IL1RN: variants seen among roughly 807,000 people sequenced by gnomAD.
IL1RN encodes the protein interleukin 1 receptor antagonist.
Under a neutral mutation model 13.7 loss-of-function variants are expected in IL1RN, and 10 were observed. That is an observed-to-expected ratio of 0.73 (90% CI 0.45 to 1.24). IL1RN has a LOEUF of 1.24. IL1RN is among the 50% of genes most tolerant of loss of function. The probability of loss-of-function intolerance (pLI) is 0.00; values close to 1 mark genes in which losing one functional copy is unlikely to be tolerated. For missense variants in IL1RN, 213 were observed against 222.1 expected, an observed-to-expected ratio of 0.96 and a Z score of 0.26; for synonymous variants, 102 against 82.7, an observed-to-expected ratio of 1.23 and a Z score of -1.27.
intron 1 of IL1RN, among the ~76,000 whole-genome samples, chr2:113,118,495 G>C (rs1686656186): frequency 6.7e-6 from 1 of 150,108 alleles, no homozygotes; most frequent in Non-Finnish European, 1.5e-5. Context: ...GGCACAGTCA[G>C]TTCCACCAGT....
upstream of IL1RN, among the ~76,000 whole-genome samples, chr2:113,116,086 C>A (rs895170130): frequency 1.3e-5 from 2 of 152,294 alleles, no homozygotes; most frequent in Admixed American, 1.3e-4. Flanking sequence ...GGGCAAGAGT[C>A]TTATCTTACT....
At chr2:113,106,764 T>C (rs190450438), upstream of IL1RN, among the ~76,000 whole-genome samples, 34 of 152,300 alleles carry the variant, frequency 2.2e-4, 1 homozygote, top group East Asian at 6.5e-3. Context: ...AATAGTAGAC[T>C]GAGGCCCTCA....
At chr2:113,119,245 T>TGCTG (rs1686686296) in intron 1 of IL1RN, among the ~76,000 whole-genome samples, 1 of 152,162 alleles carries the variant, frequency 6.6e-6, no homozygotes, top group Non-Finnish European at 1.5e-5. Context: ...GCTAGGCGCC[T>TGCTG]TGCTGAGCAC....
upstream of IL1RN, chr2:113,127,390 G>T: frequency 6.8e-6 from 6 of 882,746 alleles, no homozygotes; most frequent in South Asian, 5.2e-5. Flanking sequence ...TAATTTTGGG[G>T]AAATTGCACA....
upstream of IL1RN, among the ~76,000 whole-genome samples, chr2:113,103,398 T>G (rs962036203): frequency 3.3e-5 from 5 of 152,250 alleles, no homozygotes; most frequent in Non-Finnish European, 7.3e-5. Flanking sequence ...TTGTGTCCAA[T>G]GTAAGAACAA....
At chr2:113,100,024 G>A in the IL1RN span, among the ~76,000 whole-genome samples, 5 of 132,894 alleles carry the variant, frequency 3.8e-5, no homozygotes, top group South Asian at 2.7e-4. Context: ...GTGAGCCACC[G>A]CGACTGGCCC....
rs147542912 is a variant in IL1RN at position 113,121,021 on chromosome 2, CTCT to C, written c.73+914_73+916del. Among the ~76,000 whole-genome samples, 273 of 138,580 alleles carry C rather than the reference CTCT, an allele frequency of 2.0e-3. 1 individual carries two copies. The highest frequency in any genetic ancestry group is 5.4e-3 in the African/African-American group (198 of 36,904). The allele number at this position is 138,580 out of a possible 152,430, so 90.9% of individuals were successfully genotyped here. A position where few individuals can be genotyped will look rare whatever the true frequency, so the allele number is the denominator to read the frequency against. On this transcript the variant is annotated intron_variant, in intron 2 of 5. Transcript: ENST00000259206. Reference sequence around the variant, plus strand: ...CCTCTTCTTCTTCCTCCTCCTTCTCCTCTTCTTCTTCTTCTTCTTCTTCCTCTT... The same window carrying C: ...CCTCTTCTTCTTCCTCCTCCTTCTCCTCTTCTTCTTCTTCTTCTTCCTCTT...
chr2:113,106,243 C>T (rs142207544), upstream of IL1RN, among the ~76,000 whole-genome samples: 1,316 of 152,036 alleles, frequency 8.7e-3, 13 homozygotes, highest in Middle Eastern at 0.024. Flanking sequence ...TTCTTAGAGG[C>T]TAAACAAGGG....
At chr2:113,108,845 T>A (rs980288012), upstream of IL1RN, among the ~76,000 whole-genome samples, 1 of 152,156 alleles carries the variant, frequency 6.6e-6, no homozygotes, top group Non-Finnish European at 1.5e-5. Context: ...CAAATTAAAA[T>A]GTTAAGCCTA....
upstream of IL1RN, among the ~76,000 whole-genome samples, chr2:113,106,852 T>C (rs551194742): frequency 6.6e-6 from 1 of 152,014 alleles, no homozygotes; most frequent in East Asian, 1.9e-4. Context: ...AATTAAAAAG[T>C]GAGCAAGAAG....
At chr2:113,124,003 C>T (rs1412968525), upstream of IL1RN, among the ~76,000 whole-genome samples, 3 of 152,214 alleles carry the variant, frequency 2.0e-5, no homozygotes. Flanking sequence ...TACAGCAGTG[C>T]AGTGTCCCTC....
chr2:113,129,694 G>A, intron 2 of IL1RN, 30 bp downstream of exon 2: 1 of 1,429,312 alleles, frequency 7.0e-7, no homozygotes, highest in Non-Finnish European at 9.9e-7. Flanking sequence ...GCCAATGTAT[G>A]TGGGCATCAC....
upstream of IL1RN, among the ~76,000 whole-genome samples, chr2:113,113,858 C>T (rs935891478): frequency 8.5e-5 from 13 of 152,208 alleles, no homozygotes; most frequent in African/African-American, 2.7e-4. Flanking sequence ...ACTGAACCCA[C>T]GGACTCATGT....
chr2:113,132,984 G>GTCCACCCCTCAAT lies in IL1RN; in HGVS notation c.*113_*114insTCCACCCCTCAAT. The GTCCACCCCTCAAT allele has an allele frequency of 2.9e-6, 3 of 1,026,898 alleles. No homozygotes were observed. Among genetic ancestry groups the GTCCACCCCTCAAT allele is most frequent in the Non-Finnish European group, 4.6e-6 (3 of 657,216 alleles). 63.6% of individuals were successfully genotyped at this position (1,026,898 alleles called of 1,614,324 possible). On this transcript the variant is annotated 3_prime_UTR_variant, in exon 4 of 4. Coordinates refer to ENST00000409930, the MANE Select transcript of IL1RN (RefSeq NM_173842.3). ...GGGCACTGAGGACCAGCCATTGAGG[G>GTCCACCCCTCAAT]GTGGACCCTCAGAAGGCGTCACAAC... is the stretch of plus-strand genomic sequence containing the variant.
rs766555019 is a variant in IL1RN, at chr2:113,133,174, C to T, written c.*303C>T. The T allele has an allele frequency of 2.2e-6, 1 of 460,876 alleles. No individual in the cohort carries two copies. Among genetic ancestry groups the T allele is most frequent in the African/African-American group, 2.0e-5 (1 of 50,520 alleles). The allele number at this position is 460,876 out of a possible 1,614,324, so 28.5% of individuals were successfully genotyped here. On this transcript the variant is annotated 3_prime_UTR_variant, in exon 4 of 4. Coordinates refer to ENST00000409930, the MANE Select transcript of IL1RN (RefSeq NM_173842.3). ...ACCCCGACCACCTGCCCAACCTGCTCTCCTCTTGCCACTGCCTCTTCCTCC... is the reference window on the plus strand; with the variant it reads ...ACCCCGACCACCTGCCCAACCTGCTTTCCTCTTGCCACTGCCTCTTCCTCC...
chr2:113,129,693 T>G (rs1226748709), intron 2 of IL1RN, 29 bp downstream of exon 2: 4 of 1,438,132 alleles, frequency 2.8e-6, no homozygotes, highest in African/African-American at 2.8e-5. Context: ...AGCCAATGTA[T>G]GTGGGCATCA....
rs952944694 is a variant in IL1RN at position 113,132,534 on chromosome 2, G to A, written c.319-122G>A. ...GAGCACCTGGGGGCTTTTAGGGTAT[G>A]GCATTTCCCCTGTACTAACTCTGGG... On this transcript the variant is annotated intron_variant, in intron 3 of 3. Coordinates refer to ENST00000409930, the MANE Select transcript of IL1RN (RefSeq NM_173842.3). The A allele has an allele frequency of 3.5e-6, 3 of 847,852 alleles. No individual in the cohort carries two copies. The Admixed American group carries it at 5.8e-5, about 16-fold the overall frequency. The allele number at this position is 847,852 out of a possible 1,614,324, so 52.5% of individuals were successfully genotyped here. A position where few individuals can be genotyped will look rare whatever the true frequency, so the allele number is the denominator to read the frequency against.
At chr2:113,101,246 C>T in the IL1RN span, among the ~76,000 whole-genome samples, 3 of 152,108 alleles carry the variant, frequency 2.0e-5, no homozygotes, top group Admixed American at 6.6e-5. Context: ...CTCTGGTAGA[C>T]GCAGTGGGGG....
chr2:113,128,762 T>C (rs1687054949), intron 1 of IL1RN, among the ~76,000 whole-genome samples: 1 of 152,222 alleles, frequency 6.6e-6, no homozygotes, highest in Non-Finnish European at 1.5e-5. Flanking sequence ...TTAGCCACAC[T>C]TCACAGGTGA....
Sources: gnomAD v4.1 joint callset for allele counts (sites outside exome capture counted in the v4.1 genomes callset) on GRCh38, gnomAD v4.1.1 for gene constraint, MANE v1.5 for transcripts, NCBI Gene and HGNC (gene_info 2026-07-23, HGNC 2026-07-21) for gene names.